Variants in ST6GAL2 observed in about 807,000 individuals in gnomAD.
ST6GAL2 encodes the protein beta-galactoside alpha-2,6-sialyltransferase 2.
A neutral mutation model predicts 37.5 loss-of-function variants in ST6GAL2; 24 were observed. The observed-to-expected ratio is 0.64, with a 90% CI of 0.46 to 0.90. The LOEUF (loss-of-function observed/expected upper bound fraction) is 0.90, where lower values mean the gene tolerates loss of function less well. Ranked by LOEUF, ST6GAL2 falls within the 40% of genes least tolerant of loss-of-function variation. The pLI is 0.00. For synonymous variants in ST6GAL2, 306 were observed against 295.1 expected, an observed-to-expected ratio of 1.04 and a Z score of -0.38; for missense variants, 715 against 712.7, an observed-to-expected ratio of 1.00 and a Z score of -0.04.
At chr2:106,840,708 T>G (rs1020646974) in intron 2 of ST6GAL2, among the ~76,000 whole-genome samples, 5 of 152,214 alleles carry the variant, frequency 3.3e-5, no homozygotes, top group African/African-American at 1.2e-4. Context: ...CATGGACTTC[T>G]CAGCGTCTTT....
intron 1 of ST6GAL2, among the ~76,000 whole-genome samples, chr2:106,885,343 C>A (rs1178829672): frequency 1.3e-5 from 2 of 152,098 alleles, no homozygotes; most frequent in Non-Finnish European, 2.9e-5. Context: ...TACTTTCCCC[C>A]CAAAAGTGCT....
intron 5 of ST6GAL2, among the ~76,000 whole-genome samples, chr2:106,813,849 C>A (rs2104423128): frequency 1.3e-5 from 2 of 152,250 alleles, no homozygotes; most frequent in South Asian, 2.1e-4. Context: ...TAGAACACTG[C>A]AGAACACTTT....
intron 1 of ST6GAL2, among the ~76,000 whole-genome samples, chr2:106,877,826 T>A (rs1027940199): frequency 2.6e-5 from 4 of 152,242 alleles, no homozygotes; most frequent in African/African-American, 9.6e-5. Flanking sequence ...AATCTGAATG[T>A]TACTTAAAGG....
At position 106,861,636 on chromosome 2, in the gene ST6GAL2, C is replaced by CT. The variant is rs1013434378; in HGVS notation, c.-57-17603dup. 9.6e-3 allele frequency among the ~76,000 whole-genome samples: 1,377 copies of CT among 143,736 alleles called. 5 individuals carry two copies. Among genetic ancestry groups the CT allele is most frequent in the Non-Finnish European group, 0.012 (782 of 65,134 alleles). The allele number at this position is 143,736 out of a possible 152,430, so 94.3% of individuals were successfully genotyped here. A position where few individuals can be genotyped will look rare whatever the true frequency, so the allele number is the denominator to read the frequency against. ...TATTCTTTCTTTTTTTTCTTTTTTT[C>CT]TTTTTTTTTTTGAGACAGGGTCTCA... On this transcript the variant is annotated intron_variant, in intron 1 of 5. Transcript: ENST00000409382.
chr2:106,848,831 C>A (rs146279472), intron 1 of ST6GAL2, among the ~76,000 whole-genome samples: 1 of 152,344 alleles, frequency 6.6e-6, no homozygotes, highest in African/African-American at 2.4e-5. Context: ...CGTCAGACAG[C>A]TGCAACTTCT....
Position 106,806,526 on chromosome 2 carries a change from G to A in ST6GAL2, c.*152C>T, listed in dbSNP as rs774518256. ...TTCAAAGCAGTAATACATACTCAAT[G>A]GCTTAGAAAGAGAAGGATTATCATG... On this transcript the variant is annotated 3_prime_UTR_variant, in exon 6 of 6. Transcript: ENST00000409382. 1.1e-6 allele frequency: 1 copy of A among 873,378 alleles called. No individual in the cohort carries two copies. Among genetic ancestry groups the A allele is most frequent in the Non-Finnish European group, 1.7e-6 (1 of 573,532 alleles). The allele number at this position is 873,378 out of a possible 1,614,324, so 54.1% of individuals were successfully genotyped here.
At chr2:106,848,473 A>G (rs1677233153) in intron 1 of ST6GAL2, among the ~76,000 whole-genome samples, 1 of 152,214 alleles carries the variant, frequency 6.6e-6, no homozygotes, top group South Asian at 2.1e-4. Flanking sequence ...GCTCCAGAAA[A>G]TGTTTTTTAA....
chr2:106,855,619 T>C (rs184148204), intron 1 of ST6GAL2, among the ~76,000 whole-genome samples: 38 of 152,294 alleles, frequency 2.5e-4, no homozygotes, highest in African/African-American at 8.2e-4. Flanking sequence ...GAAGTAAATA[T>C]GGCAAAATAT....
intron 2 of ST6GAL2, among the ~76,000 whole-genome samples, chr2:106,842,625 G>T (rs141911264): frequency 5.9e-5 from 9 of 152,304 alleles, no homozygotes; most frequent in African/African-American, 2.2e-4. Flanking sequence ...CTGCAGGATG[G>T]GTTCACCGGG....
chr2:106,871,767 C>A (rs1253347447), intron 1 of ST6GAL2, among the ~76,000 whole-genome samples: 7 of 152,214 alleles, frequency 4.6e-5, no homozygotes, highest in Non-Finnish European at 1.0e-4. Flanking sequence ...ACGCATGGAA[C>A]TGCCATCACC....
In ST6GAL2 at chr2:106,843,884, CG is replaced by C; in HGVS notation, c.93del (p.Asp32ThrfsTer142). 6.2e-7 allele frequency: 1 copy of C among 1,607,604 alleles called. No homozygotes were observed. The highest frequency in any genetic ancestry group is 8.5e-7 in the Non-Finnish European group (1 of 1,179,306). Reference protein sequence around the residue: ...LLFLLIFIYFTDSNPAEPVPS... With the variant: ...LLFLLIFIYFXDSNPAEPVPS... Reference sequence around the variant, plus strand: ...GGTACAGGCTCAGCGGGGTTGCTGTCGGTGAAGTAGATGAAAATCAGCAAAA... The same window carrying C: ...GGTACAGGCTCAGCGGGGTTGCTGTCGTGAAGTAGATGAAAATCAGCAAAA... On this transcript the variant is annotated frameshift_variant, in exon 2 of 6. Transcript: ENST00000409382. LOFTEE classifies it high-confidence loss of function.
chr2:106,850,800 A>G (rs1316422420), intron 1 of ST6GAL2, among the ~76,000 whole-genome samples: 1 of 152,218 alleles, frequency 6.6e-6, no homozygotes, highest in Non-Finnish European at 1.5e-5. Flanking sequence ...TTCCTCTGAT[A>G]TAGTATATCT....
At chr2:106,868,136 C>T (rs1308231409) in intron 1 of ST6GAL2, among the ~76,000 whole-genome samples, 2 of 152,148 alleles carry the variant, frequency 1.3e-5, no homozygotes, top group African/African-American at 2.4e-5. Context: ...CCTTTGAGCC[C>T]AGCACAGTTG....
chr2:106,804,995 T>C lies in ST6GAL2; in HGVS notation c.*1683A>G, dbSNP rs1316575952. 3 of 152,190 alleles carry C rather than the reference T, an allele frequency of 2.0e-5. No homozygotes were observed. The highest frequency in any genetic ancestry group is 7.2e-5 in the African/African-American group (3 of 41,454). 9.4% of individuals were successfully genotyped at this position (152,190 alleles called of 1,614,324 possible). ...CTCAAAATGGGCTTTTATTGGATATTATTGTGATTAAAACTTTCCAATTTC... is the reference window on the plus strand; with the variant it reads ...CTCAAAATGGGCTTTTATTGGATATCATTGTGATTAAAACTTTCCAATTTC... On this transcript the variant is annotated 3_prime_UTR_variant, in exon 6 of 6. Coordinates refer to ENST00000409382, the MANE Select transcript of ST6GAL2 (RefSeq NM_001142351.2).
chr2:106,803,554 G>T lies in ST6GAL2; in HGVS notation c.*3124C>A, dbSNP rs1333962153. 1 of 152,032 alleles carries T rather than the reference G, an allele frequency of 6.6e-6. No homozygotes were observed. The highest frequency in any genetic ancestry group is 1.5e-5 in the Non-Finnish European group (1 of 68,036). The allele number at this position is 152,032 out of a possible 1,614,324, so 9.4% of individuals were successfully genotyped here. A position where few individuals can be genotyped will look rare whatever the true frequency, so the allele number is the denominator to read the frequency against. ...CTGGTGTGACTGGCTGGAGAAATAA[G>T]GTAGGGAGAATCTAGATATGGTTGA... On this transcript the variant is annotated 3_prime_UTR_variant, in exon 6 of 6. Transcript: ENST00000409382.
At chr2:106,886,612 G>T (rs1009229793), upstream of ST6GAL2, 9 of 151,960 alleles carry the variant, frequency 5.9e-5, no homozygotes, top group African/African-American at 2.2e-4. Context: ...GCCCCGGGGA[G>T]AGGCGGCGGT....
At chr2:106,848,311 A>G (rs1189086592) in intron 1 of ST6GAL2, among the ~76,000 whole-genome samples, 1 of 152,214 alleles carries the variant, frequency 6.6e-6, no homozygotes, top group Non-Finnish European at 1.5e-5. Context: ...TAGAAGTTCC[A>G]TGCTGGGAAT....
chr2:106,811,939 G>C (rs144003367), intron 5 of ST6GAL2, among the ~76,000 whole-genome samples: 1 of 152,166 alleles, frequency 6.6e-6, no homozygotes, highest in Non-Finnish European at 1.5e-5. Context: ...CGAGCTTCAA[G>C]AATCCACTCC....
intron 5 of ST6GAL2, among the ~76,000 whole-genome samples, chr2:106,809,294 C>T (rs1176423070): frequency 2.0e-5 from 3 of 152,352 alleles, no homozygotes; most frequent in African/African-American, 4.8e-5. Context: ...TATTACAACA[C>T]TTTGCTTGCA....
Sources: gnomAD v4.1 joint callset for allele counts (sites outside exome capture counted in the v4.1 genomes callset) on GRCh38, gnomAD v4.1.1 for gene constraint, MANE v1.5 for transcripts, NCBI Gene and HGNC (gene_info 2026-07-23, HGNC 2026-07-21) for gene names.